Variants in TCEA2 observed in about 807,000 individuals in gnomAD.
The protein encoded by TCEA2 is transcription elongation factor A2.
A neutral mutation model predicts 40.8 loss-of-function variants in TCEA2; 21 were observed. The observed-to-expected ratio is 0.51, with a 90% CI of 0.36 to 0.74. TCEA2 has a LOEUF of 0.74. Among genes scored for constraint, TCEA2 ranks in the 30% least tolerant of loss-of-function variants. The pLI is 0.00. For synonymous variants in TCEA2, 165 were observed against 162.7 expected (o/e 1.01, Z -0.11); for missense variants, 326 against 426.5 (o/e 0.76, Z 2.08).
chr20:64,067,075 C>A, intron 3 of TCEA2, 55 bp downstream of exon 3: 1 of 1,517,458 alleles, frequency 6.6e-7, no homozygotes, highest in Non-Finnish European at 9.0e-7. Context: ...AGAAGTGCTG[C>A]CTCTTGCTGG....
upstream of TCEA2, among the ~76,000 whole-genome samples, chr20:64,059,212 AAAAG>A (rs1426163093): frequency 3.1e-3 from 470 of 150,888 alleles, 2 homozygotes; most frequent in African/African-American, 0.011. Flanking sequence ...AAAAAAAAAA[AAAAG>A]GAGATGATGG....
upstream of TCEA2, among the ~76,000 whole-genome samples, chr20:64,055,668 G>C (rs1244450661): frequency 6.6e-6 from 1 of 152,166 alleles, no homozygotes; most frequent in Non-Finnish European, 1.5e-5. The surrounding 1 kb of genome is among the most constrained non-coding windows in gnomAD (Gnocchi z 4.0). Context: ...AGTGAGGTGG[G>C]ACCTTGGGAG....
intron 1 of TCEA2, among the ~76,000 whole-genome samples, chr20:64,064,687 CTG>C (rs1203812286): frequency 6.6e-6 from 1 of 152,098 alleles, no homozygotes; most frequent in Admixed American, 6.5e-5. Flanking sequence ...AGGGTTGAGT[CTG>C]GGTTCCTGTG....
rs749207012 is a variant in TCEA2 at position 64,070,050 on chromosome 20, G to T, written c.518-210G>T. The T allele has an allele frequency of 3.4e-6, 3 of 885,378 alleles. No individual in the cohort carries two copies. In the South Asian group the frequency reaches 4.4e-5, roughly 13 times the overall value. 54.8% of individuals were successfully genotyped at this position (885,378 alleles called of 1,614,324 possible). On this transcript the variant is annotated intron_variant, in intron 6 of 9. Coordinates refer to ENST00000343484, the MANE Select transcript of TCEA2 (RefSeq NM_003195.6). ...GGGGCCTAGGTCCCCTGGGGCTGTAGCCTGAAGCTGGGTCTCAGTCAGGAA... is the reference window on the plus strand; with the variant it reads ...GGGGCCTAGGTCCCCTGGGGCTGTATCCTGAAGCTGGGTCTCAGTCAGGAA...
chr20:64,065,423 G>A (rs941026360), intron 1 of TCEA2: 15 of 152,282 alleles, frequency 9.9e-5, no homozygotes, highest in African/African-American at 3.6e-4. Context: ...TGATACACAC[G>A]TGGAAACACA....
intron 6 of TCEA2, 81 bp from the exon 7 acceptor site, chr20:64,070,179 C>G: frequency 6.3e-7 from 1 of 1,577,980 alleles, no homozygotes; most frequent in Admixed American, 1.7e-5. Flanking sequence ...CAGCCCCCAC[C>G]CCAACATGGC....
At chr20:64,070,088 A>G (rs1003061114) in intron 6 of TCEA2, 172 bp from the exon 7 acceptor site, 15 of 1,031,658 alleles carry the variant, frequency 1.5e-5, no homozygotes, top group Non-Finnish European at 2.0e-5. Context: ...GGCCTGGGGC[A>G]GGCTTGGCCC....
At chr20:64,068,300 G>A (rs2059744061) in intron 4 of TCEA2, among the ~76,000 whole-genome samples, 166 bp downstream of exon 4, 1 of 152,216 alleles carries the variant, frequency 6.6e-6, no homozygotes, top group Non-Finnish European at 1.5e-5. Flanking sequence ...CGCCTGCACT[G>A]ACCACTTGAG....
At position 64,069,761 on chromosome 20, in the gene TCEA2, G is replaced by C; in HGVS notation, c.461-4G>C. 6.2e-7 allele frequency: 1 copy of C among 1,610,640 alleles called. No homozygotes were observed. The highest frequency in any genetic ancestry group is 1.7e-5 in the Admixed American group (1 of 59,914). The stretch of plus-strand genomic sequence containing the variant: ...GGGAAGCTAGTCAGGGCTCCCTCTT[G>C]CAGATGACCACGTGGCCATCGGTGC... On this transcript the variant is annotated splice_region_variant and splice_polypyrimidine_tract_variant and intron_variant, in intron 5 of 9. Transcript: ENST00000343484.
chr20:64,056,593 G>A (rs2059475892), upstream of TCEA2, among the ~76,000 whole-genome samples: 1 of 152,160 alleles, frequency 6.6e-6, no homozygotes, highest in South Asian at 2.1e-4. Flanking sequence ...GGAAGCAAGG[G>A]GGGCTCCGTG....
chr20:64,063,463 C>A, intron 1 of TCEA2, 79 bp downstream of exon 1: 1 of 1,469,876 alleles, frequency 6.8e-7, no homozygotes, highest in Non-Finnish European at 9.2e-7. Context: ...CCCGTTAGGG[C>A]CGGAAGACGA....
At chr20:64,069,576 C>T in intron 5 of TCEA2, 85 bp downstream of exon 5, 1 of 1,563,870 alleles carries the variant, frequency 6.4e-7, no homozygotes, top group Non-Finnish European at 8.7e-7. Context: ...AGGCCTGCTT[C>T]CAGCGGGGTG....
upstream of TCEA2, among the ~76,000 whole-genome samples, chr20:64,058,345 G>A (rs1055113266): frequency 2.0e-5 from 3 of 152,180 alleles, no homozygotes; most frequent in Admixed American, 6.5e-5. The surrounding 1 kb of genome is among the most constrained non-coding windows in gnomAD (Gnocchi z 6.7). Context: ...AGGGATCCCC[G>A]ACCTGCCAGC....
intron 2 of TCEA2, 80 bp from the exon 3 acceptor site, chr20:64,066,835 G>A (rs34848242): frequency 0.34 from 471,346 of 1,395,800 alleles, 81,793 homozygotes; most frequent in South Asian, 0.49. Flanking sequence ...GTCCTGTGGG[G>A]GCCACCAAGG....
In TCEA2 at chr20:64,058,002, G is replaced by T. The variant is rs1216606204; in HGVS notation, c.-84+351G>T. On this transcript the variant is annotated intron_variant, in intron 1 of 10. Coordinates refer to the TCEA2 transcript ENST00000361317. This position sits in a 1 kb window ranked among gnomAD's most constrained non-coding sequence, Gnocchi z 6.7. ...TGGGGCCAGTCACCTGCCTCTGCCC[G>T]GGGGCGGGACCATCCCACCGGATTG... Among the ~76,000 whole-genome samples the T allele has an allele frequency of 6.6e-6, 1 of 152,156 alleles. No individual in the cohort carries two copies. Among genetic ancestry groups the T allele is most frequent in the South Asian group, 2.1e-4 (1 of 4,828 alleles).
At chr20:64,061,994 G>A (rs967263908), upstream of TCEA2, among the ~76,000 whole-genome samples, 2 of 152,200 alleles carry the variant, frequency 1.3e-5, no homozygotes, top group Non-Finnish European at 2.9e-5. Context: ...CTCCCAAAGC[G>A]CTGGGATTAC....
At chr20:64,056,238 C>G (rs905950285), upstream of TCEA2, among the ~76,000 whole-genome samples, 2 of 152,144 alleles carry the variant, frequency 1.3e-5, no homozygotes, top group Non-Finnish European at 2.9e-5. Flanking sequence ...ATTCTACAGA[C>G]TGGGCGACTG....
At chr20:64,069,671 A>G in intron 5 of TCEA2, 94 bp from the exon 6 acceptor site, 1 of 1,547,720 alleles carries the variant, frequency 6.5e-7, no homozygotes, top group South Asian at 1.2e-5. Context: ...AGGGACCCGG[A>G]TGTGCCCTCT....
At chr20:64,061,096 C>T (rs371434854), upstream of TCEA2, among the ~76,000 whole-genome samples, 19 of 60,532 alleles carry the variant, frequency 3.1e-4, no homozygotes, top group East Asian at 1.2e-3. Context: ...CAGCCTGAGT[C>T]TTTTTTTTTT....
Sources: gnomAD v4.1 joint callset for allele counts (sites outside exome capture counted in the v4.1 genomes callset) on GRCh38, gnomAD v4.1.1 for gene constraint, Gnocchi (gnomAD v3.1) non-coding constraint, MANE v1.5 for transcripts, NCBI Gene and HGNC (gene_info 2026-07-23, HGNC 2026-07-21) for gene names.